The following SOCS7 variants were observed in gnomAD, a reference collection of about 807,000 sequenced individuals.
SOCS7 encodes the protein NAP-4.
In SOCS7, 18 loss-of-function variants were observed where a neutral mutation model predicts 58.9. The ratio of observed to expected loss-of-function variants is 0.31; its 90% CI spans 0.21 to 0.45. The LOEUF (loss-of-function observed/expected upper bound fraction) is 0.45, where lower values mean the gene tolerates loss of function less well. SOCS7 is among the 20% of genes least tolerant of loss of function. The pLI is 1.00. For missense variants in SOCS7, 667 were observed against 837.3 expected (o/e 0.80, Z 2.51); for synonymous variants, 388 against 364.3 (o/e 1.06, Z -0.74).
intron 7 of SOCS7, among the ~76,000 whole-genome samples, chr17:38,384,620 C>G (rs1436660335): frequency 6.6e-6 from 1 of 151,462 alleles, no homozygotes; most frequent in Non-Finnish European, 1.5e-5. Flanking sequence ...GAGATGGAGT[C>G]TCCCTCTGTC....
In SOCS7 at chr17:38,366,289, G is replaced by T. The variant is rs1227401559; in HGVS notation, c.1255G>T (p.Ala419Ser). The T allele has an allele frequency of 1.2e-6, 2 of 1,613,874 alleles. No homozygotes were observed. The highest frequency in any genetic ancestry group is 1.7e-6 in the Non-Finnish European group (2 of 1,179,940). ...PPPPPPHAPDAFPRIAPIRAA... is the reference protein window; with the variant it reads ...PPPPPPHAPDSFPRIAPIRAA... ...ACCACCACTGTCTTGCCCTGCAGAT[G>T]CATTTCCCCGGATTGCTCCCATCCG... is the stretch of plus-strand genomic sequence containing the variant. The change falls in exon 5 of 10, where the codon GCA becomes TCA. Residue 419 changes from alanine (A) to serine (S), a missense_variant and splice_region_variant. Physicochemically the swap from Ala to Ser is moderately conservative, Grantham distance 99. Around this residue, in one of 9 missense-constraint regions of SOCS7, gnomAD observed 99 missense variants for 122.9 expected, o/e 0.81. Coordinates refer to ENST00000612932, the MANE Select transcript of SOCS7 (RefSeq NM_014598.4).
At chr17:38,372,224 TG>T (rs1414051743) in intron 6 of SOCS7, among the ~76,000 whole-genome samples, 3 of 152,200 alleles carry the variant, frequency 2.0e-5, no homozygotes, top group African/African-American at 7.2e-5. Context: ...ATGTTATGAA[TG>T]AATAAAATAT....
chr17:38,376,244 A>G (rs2144357103), intron 6 of SOCS7, among the ~76,000 whole-genome samples: 1 of 152,278 alleles, frequency 6.6e-6, no homozygotes, highest in African/African-American at 2.4e-5. Context: ...AACCCTGGAC[A>G]GAACACCATT....
chr17:38,375,520 T>C (rs929294827), intron 6 of SOCS7, among the ~76,000 whole-genome samples: 1 of 152,162 alleles, frequency 6.6e-6, no homozygotes, highest in Non-Finnish European at 1.5e-5. Flanking sequence ...ATTGTAAGAA[T>C]ACAGTATATA....
chr17:38,391,284 T>C (rs958589673), intron 7 of SOCS7, among the ~76,000 whole-genome samples: 3 of 152,238 alleles, frequency 2.0e-5, no homozygotes, highest in African/African-American at 7.2e-5. Context: ...GTGAATCTTC[T>C]GCCCTCTCAC....
rs933618893 is a variant in SOCS7, at chr17:38,401,550, AG to A, written c.*2070del. On this transcript the variant is annotated 3_prime_UTR_variant, in exon 10 of 10. Transcript: ENST00000612932. ...CGCTAGATATTGTAGAAAACAAAAA[AG>A]GTAAAAGACGTAATATGTGGCCTAA... 2.6e-5 allele frequency: 4 copies of A among 152,108 alleles called. No individual in the cohort carries two copies. The highest frequency in any genetic ancestry group is 5.9e-5 in the Non-Finnish European group (4 of 68,024). The allele number at this position is 152,108 out of a possible 1,614,324, so 9.4% of individuals were successfully genotyped here.
At chr17:38,387,125 A>ATGTATG (rs1208781265) in intron 7 of SOCS7, among the ~76,000 whole-genome samples, 1 of 102,810 alleles carries the variant, frequency 9.7e-6, no homozygotes, top group African/African-American at 5.1e-5. Flanking sequence ...ATATATATAT[A>ATGTATG]TATGTATGTA....
At chr17:38,379,284 C>G (rs2037971897) in intron 7 of SOCS7, among the ~76,000 whole-genome samples, 1 of 151,688 alleles carries the variant, frequency 6.6e-6, no homozygotes, top group Admixed American at 6.6e-5. Context: ...TTCGAGACAG[C>G]CTAGCCAACA....
At chr17:38,389,906 T>TATATATGTACATATATATATGTAC (rs1555571102) in intron 7 of SOCS7, among the ~76,000 whole-genome samples, 7 of 103,468 alleles carry the variant, frequency 6.8e-5, no homozygotes, top group Non-Finnish European at 1.3e-4. Context: ...TATACACATA[T>TATATATGTACATATATATATGTAC]AGAGAGAGAG....
intron 1 of SOCS7, among the ~76,000 whole-genome samples, chr17:38,355,184 C>T (rs1597679934): frequency 6.6e-6 from 1 of 152,278 alleles, no homozygotes. Context: ...CGTGTAAACT[C>T]CAACATCAGC....
intron 2 of SOCS7, among the ~76,000 whole-genome samples, chr17:38,363,875 A>G (rs888687957): frequency 5.3e-5 from 8 of 152,196 alleles, no homozygotes; most frequent in Non-Finnish European, 8.8e-5. Flanking sequence ...CTGAGTTCTG[A>G]CTTGTGCATC....
At chr17:38,356,670 C>T (rs959768229) in intron 1 of SOCS7, among the ~76,000 whole-genome samples, 5 of 151,922 alleles carry the variant, frequency 3.3e-5, no homozygotes, top group Non-Finnish European at 7.4e-5. Flanking sequence ...CAGCTGACTC[C>T]ATCTCTTTAA....
At chr17:38,370,658 T>C (rs2037851386) in intron 6 of SOCS7, among the ~76,000 whole-genome samples, 1 of 151,604 alleles carries the variant, frequency 6.6e-6, no homozygotes, top group Non-Finnish European at 1.5e-5. Context: ...GGAATTTTTT[T>C]TTTTTTTTTG....
chr17:38,396,805 G>A (rs1356354295), intron 9 of SOCS7, among the ~76,000 whole-genome samples: 1 of 152,196 alleles, frequency 6.6e-6, no homozygotes, highest in East Asian at 1.9e-4. Context: ...CTGCCAGTGT[G>A]CAGTGACTGC....
intron 7 of SOCS7, among the ~76,000 whole-genome samples, chr17:38,385,771 C>G (rs1485444734): frequency 6.6e-6 from 1 of 152,072 alleles, no homozygotes; most frequent in Non-Finnish European, 1.5e-5. Flanking sequence ...AATAATTGGG[C>G]TGTTTGACCT....
intron 7 of SOCS7, 43 bp from the exon 8 acceptor site, chr17:38,395,266 C>T (rs756271985): frequency 1.9e-6 from 3 of 1,605,384 alleles, no homozygotes; most frequent in Admixed American, 3.4e-5. Flanking sequence ...TAGTTAGCTC[C>T]ATTGTTTCCT....
chr17:38,378,940 T>C (rs1055186300), intron 7 of SOCS7, among the ~76,000 whole-genome samples: 6 of 151,504 alleles, frequency 4.0e-5, no homozygotes, highest in Non-Finnish European at 8.8e-5. Context: ...GGCAGATTGC[T>C]CAAGTCCAGG....
At position 38,364,796 on chromosome 17, in the gene SOCS7, C is replaced by T; in HGVS notation, c.1090C>T (p.Leu364=). The stretch of plus-strand genomic sequence containing the variant: ...GGATGTGGACATTTCTCAGCGGGGC[C>T]TGACCTCTCCACACCCTCCAACTCC... The part of the protein sequence containing the change: ...LVDVDISQRG[L]TSPHPPTPPP... The change falls in exon 3 of 10, where the codon CTG becomes TTG. Residue 364 remains leucine, a synonymous_variant. Coordinates refer to ENST00000612932, the MANE Select transcript of SOCS7 (RefSeq NM_014598.4). 1 of 1,614,128 alleles carries T rather than the reference C, an allele frequency of 6.2e-7. No homozygotes were observed. Among genetic ancestry groups the T allele is most frequent in the Non-Finnish European group, 8.5e-7 (1 of 1,180,026 alleles).
intron 7 of SOCS7, among the ~76,000 whole-genome samples, chr17:38,393,302 T>C (rs1447232881): frequency 6.6e-6 from 1 of 152,202 alleles, no homozygotes; most frequent in Admixed American, 6.5e-5. Flanking sequence ...GCGGTGTACA[T>C]GCTTTCATTT....
Sources: gnomAD v4.1 joint callset for allele counts (sites outside exome capture counted in the v4.1 genomes callset) on GRCh38, gnomAD v4.1.1 for gene constraint, gnomAD v4.1.1 regional missense constraint, MANE v1.5 for transcripts, NCBI Gene and HGNC (gene_info 2026-07-23, HGNC 2026-07-21) for gene names.